PRKCA: variants seen among roughly 807,000 people sequenced by gnomAD.
The protein encoded by PRKCA is protein kinase C alpha.
A neutral mutation model predicts 87.0 loss-of-function variants in PRKCA; 27 were observed. The observed-to-expected ratio is 0.31, with a 90% CI of 0.23 to 0.43. PRKCA has a LOEUF of 0.43. PRKCA is among the 20% of genes least tolerant of loss of function. The pLI, the probability that PRKCA is intolerant of heterozygous loss-of-function variation, is 1.00. For missense variants in PRKCA, 518 were observed against 852.3 expected (o/e 0.61, Z 4.88); for synonymous variants, 329 against 311.1 (o/e 1.06, Z -0.61).
At chr17:66,579,129 A>G (rs1443340715) in intron 3 of PRKCA, among the ~76,000 whole-genome samples, 1 of 152,192 alleles carries the variant, frequency 6.6e-6, no homozygotes, top group African/African-American at 2.4e-5. Flanking sequence ...GCGCTGGCAC[A>G]CAGCAGAGAG....
chr17:66,650,353 C>G (rs544834743), intron 5 of PRKCA, among the ~76,000 whole-genome samples: 166 of 138,076 alleles, frequency 1.2e-3, no homozygotes, highest in Non-Finnish European at 1.6e-3. Context: ...AGAATGGTGT[C>G]GGGGTTTTTT....
chr17:66,308,850 C>T (rs9900934), intron 2 of PRKCA, among the ~76,000 whole-genome samples: 20,730 of 151,918 alleles, frequency 0.14, 1,502 homozygotes, highest in South Asian at 0.23. Flanking sequence ...ATCTGACTAT[C>T]GTAGAGTGAA....
chr17:66,494,699 CA>C (rs1233521859), intron 2 of PRKCA, among the ~76,000 whole-genome samples: 2 of 152,192 alleles, frequency 1.3e-5, no homozygotes, highest in African/African-American at 4.8e-5. Context: ...TATTATTCAA[CA>C]AATGATAAGA....
intron 13 of PRKCA, among the ~76,000 whole-genome samples, chr17:66,756,787 A>G (rs1027305033): frequency 6.6e-5 from 10 of 151,878 alleles, no homozygotes; most frequent in African/African-American, 2.2e-4. Flanking sequence ...TCAGCTTCCC[A>G]AGTAGCTGGG....
intron 3 of PRKCA, chr17:66,639,510 C>G (rs905501596): frequency 6.6e-6 from 1 of 152,128 alleles, no homozygotes; most frequent in Non-Finnish European, 1.5e-5. Flanking sequence ...GCCTCAGCCT[C>G]TCAAGTAGCT....
chr17:66,309,760 CATA>C (rs1409786201), intron 2 of PRKCA, among the ~76,000 whole-genome samples: 4 of 152,176 alleles, frequency 2.6e-5, no homozygotes, highest in Non-Finnish European at 5.9e-5. Context: ...ATTTCATCTC[CATA>C]AAACTAGCAG....
chr17:66,489,352 C>CAT (rs10529618), intron 2 of PRKCA, among the ~76,000 whole-genome samples: 5,223 of 97,404 alleles, frequency 0.054, 163 homozygotes, highest in Non-Finnish European at 0.065. Flanking sequence ...CTTAGCAGTG[C>CAT]ATATATATAT....
At chr17:66,555,273 T>C (rs552230893) in intron 3 of PRKCA, among the ~76,000 whole-genome samples, 1 of 152,344 alleles carries the variant, frequency 6.6e-6, no homozygotes, top group East Asian at 1.9e-4. Context: ...GGGCTGTTTT[T>C]CTTTCTGGAT....
At chr17:66,504,998 G>A (rs774929837) in intron 3 of PRKCA, among the ~76,000 whole-genome samples, 4 of 152,050 alleles carry the variant, frequency 2.6e-5, no homozygotes, top group Non-Finnish European at 5.9e-5. Flanking sequence ...AACCACCCTC[G>A]GCACTTGCCC....
intron 3 of PRKCA, among the ~76,000 whole-genome samples, chr17:66,596,875 C>T (rs1243601543): frequency 4.9e-5 from 1 of 20,344 alleles, no homozygotes; most frequent in Non-Finnish European, 9.2e-5. Flanking sequence ...ATGATGGTTT[C>T]CAATTTCATC....
intron 2 of PRKCA, among the ~76,000 whole-genome samples, chr17:66,467,725 T>G (rs1342984906): frequency 6.6e-6 from 1 of 151,996 alleles, no homozygotes; most frequent in East Asian, 1.9e-4. Context: ...GCCTAGCTAA[T>G]TTTTTAATTT....
chr17:66,770,804 C>A (rs1057137559), intron 13 of PRKCA, among the ~76,000 whole-genome samples: 4 of 152,166 alleles, frequency 2.6e-5, no homozygotes, highest in African/African-American at 9.6e-5. Context: ...GAAAAAGCAG[C>A]CAGTAGACCT....
rs75694506 is a variant in PRKCA at position 66,365,560 on chromosome 17, A to T, written c.205+59433A>T. Among the ~76,000 whole-genome samples, 827 of 152,280 alleles carry T rather than the reference A, an allele frequency of 5.4e-3. 8 individuals carry two copies. The highest frequency in any genetic ancestry group is 0.019 in the African/African-American group (787 of 41,556). ...CTCTGCCTTTATCCTATAGTTACTT[A>T]TAGGCAGCTATATTTACTTCCTCCA... On this transcript the variant is annotated intron_variant, in intron 2 of 16. Coordinates refer to ENST00000413366, the MANE Select transcript of PRKCA (RefSeq NM_002737.3).
chr17:66,735,106 G>A (rs1226719345), intron 9 of PRKCA, among the ~76,000 whole-genome samples: 9 of 152,184 alleles, frequency 5.9e-5, no homozygotes, highest in African/African-American at 2.2e-4. Flanking sequence ...CTGATTTCAA[G>A]TCTAGGTTCT....
intron 2 of PRKCA, among the ~76,000 whole-genome samples, chr17:66,323,632 T>G (rs1456020997): frequency 6.6e-6 from 1 of 152,186 alleles, no homozygotes; most frequent in Non-Finnish European, 1.5e-5. Context: ...GTATGTCTGC[T>G]GGAGTGGTAG....
intron 2 of PRKCA, among the ~76,000 whole-genome samples, chr17:66,423,925 G>C (rs939604107): frequency 6.6e-6 from 1 of 151,930 alleles, no homozygotes; most frequent in Non-Finnish European, 1.5e-5. Context: ...TTAGCTAATA[G>C]AATCAAGTGC....
At chr17:66,700,478 G>A (rs75075806) in intron 8 of PRKCA, among the ~76,000 whole-genome samples, 5,549 of 152,060 alleles carry the variant, frequency 0.036, 334 homozygotes, top group African/African-American at 0.13. Flanking sequence ...AAAAGAAAAG[G>A]CATCCAAATC....
intron 2 of PRKCA, among the ~76,000 whole-genome samples, chr17:66,423,953 A>G (rs1912637002): frequency 3.3e-5 from 5 of 152,062 alleles, no homozygotes; most frequent in Admixed American, 3.3e-4. Flanking sequence ...CAAGTTTTTT[A>G]AGAGCATAAA....
intron 3 of PRKCA, among the ~76,000 whole-genome samples, chr17:66,514,275 T>C (rs995842733): frequency 6.6e-6 from 1 of 152,158 alleles, no homozygotes; most frequent in African/African-American, 2.4e-5. Flanking sequence ...ACTGTACTTG[T>C]ACCTTTCTCT....
Sources: allele counts gnomAD v4.1 joint callset (sites outside exome capture counted in the v4.1 genomes callset), GRCh38; gene constraint gnomAD v4.1.1; transcripts MANE v1.5; gene names NCBI Gene and HGNC (gene_info 2026-07-23, HGNC 2026-07-21).